The following LRRN1 variants were observed in gnomAD, a reference collection of about 807,000 sequenced individuals.
The protein encoded by LRRN1 is leucine-rich repeat neuronal protein 1.
LRRN1 carries 14 observed loss-of-function variants against 45.8 expected under a neutral mutation model. That is an observed-to-expected ratio of 0.31 (90% CI 0.20 to 0.48). The LOEUF (loss-of-function observed/expected upper bound fraction) is 0.48. Among genes scored for constraint, LRRN1 ranks in the 20% least tolerant of loss-of-function variants. The pLI, the probability that LRRN1 is intolerant of heterozygous loss-of-function variation, is 0.99. For missense variants in LRRN1, 789 were observed against 874.2 expected (o/e 0.90, Z 1.23); for synonymous variants, 359 against 330.1 (o/e 1.09, Z -0.95).
rs1692603584 is a variant in LRRN1 at position 3,799,811 on chromosome 3, C to CCTCCTCCTCCTCCTCGTCTTT, written c.-375_-355dup. The CCTCCTCCTCCTCCTCGTCTTT allele has an allele frequency of 1.2e-5, 2 of 160,134 alleles. No individual in the cohort carries two copies. The highest frequency in any genetic ancestry group is 4.8e-5 in the African/African-American group (2 of 41,438). The allele number at this position is 160,134 out of a possible 1,614,324, so 9.9% of individuals were successfully genotyped here. Reference sequence around the variant, plus strand: ...GGGAAGGAGGCGCCGCTCAGCTAGTCCTCCTCCTCCTCCTCGTCTTTCTCC... The same window carrying CCTCCTCCTCCTCCTCGTCTTT: ...GGGAAGGAGGCGCCGCTCAGCTAGTCCTCCTCCTCCTCCTCGTCTTTCTCCTCCTCCTCCTCGTCTTTCTCC... On this transcript the variant is annotated 5_prime_UTR_variant, in exon 1 of 2. Coordinates refer to ENST00000319331, the MANE Select transcript of LRRN1 (RefSeq NM_020873.7).
chr3:3,809,303 C>A (rs972885628), intron 1 of LRRN1, among the ~76,000 whole-genome samples: 2 of 152,034 alleles, frequency 1.3e-5, no homozygotes, highest in Admixed American at 1.3e-4. Flanking sequence ...GCCACCATGC[C>A]CAGCTAATTT....
chr3:3,844,939 C>G lies in LRRN1; in HGVS notation c.298C>G (p.Leu100Val), dbSNP rs1693729523. The G allele has an allele frequency of 6.2e-7, 1 of 1,614,018 alleles. No individual in the cohort carries two copies. Among genetic ancestry groups the G allele is most frequent in the African/African-American group, 1.3e-5 (1 of 74,920 alleles). The change falls in exon 2 of 2, where the codon CTA becomes GTA. Residue 100 changes from leucine (L) to valine (V), a missense_variant. Leu to Val is a conservative substitution (Grantham distance 32). Transcript: ENST00000319331. ...ELQQLFNLTE[L>V]DFSQNNFTNI... ...GCAGCAGCTTTTCAACTTGACTGAACTAGATTTCTCCCAAAACAACTTTAC... is the reference window on the plus strand; with the variant it reads ...GCAGCAGCTTTTCAACTTGACTGAAGTAGATTTCTCCCAAAACAACTTTAC...
chr3:3,844,867 G>T lies in LRRN1; in HGVS notation c.226G>T (p.Val76Leu). 6.2e-7 allele frequency: 1 copy of T among 1,614,156 alleles called. No homozygotes were observed. Among genetic ancestry groups the T allele is most frequent in the Non-Finnish European group, 8.5e-7 (1 of 1,180,016 alleles). The change falls in exon 2 of 2, where the codon GTG becomes TTG. Residue 76 changes from valine to leucine, a missense_variant. By Grantham distance (32) the Val-to-Leu change is conservative. Coordinates refer to ENST00000319331, the MANE Select transcript of LRRN1 (RefSeq NM_020873.7). ...CAGTAACCTCTCTAGTGACACACAAGTGCTTCTCTTACAGAGCAATAACAT... is the reference window on the plus strand; with the variant it reads ...CAGTAACCTCTCTAGTGACACACAATTGCTTCTCTTACAGAGCAATAACAT... The part of the protein sequence containing the change: ...IPSNLSSDTQ[V>L]LLLQSNNIAK...
At chr3:3,828,816 G>C (rs1363404918) in intron 1 of LRRN1, among the ~76,000 whole-genome samples, 2 of 152,108 alleles carry the variant, frequency 1.3e-5, no homozygotes, top group Admixed American at 1.3e-4. Flanking sequence ...AGGCACAAAC[G>C]TGTTTTTAAC....
intron 1 of LRRN1, among the ~76,000 whole-genome samples, chr3:3,803,093 G>A (rs1364884871): frequency 6.6e-6 from 1 of 152,240 alleles, no homozygotes; most frequent in Admixed American, 6.5e-5. Context: ...TCTGGTTAAT[G>A]TCTGAAATTC....
At chr3:3,801,340 G>A (rs547423576) in intron 1 of LRRN1, 7 of 152,330 alleles carry the variant, frequency 4.6e-5, no homozygotes, top group African/African-American at 1.7e-4. Context: ...GCTTTTGCGT[G>A]GAGGATTTTC....
At position 3,844,983 on chromosome 3, in the gene LRRN1, G is replaced by T. The variant is rs35587609; in HGVS notation, c.342G>T (p.Gly114=). 1,943 of 1,614,082 alleles carry T rather than the reference G, an allele frequency of 1.2e-3. 2 individuals are homozygous for T. The highest frequency in any genetic ancestry group is 1.5e-3 in the Non-Finnish European group (1,787 of 1,180,008). The stretch of plus-strand genomic sequence containing the variant: ...ACTTTACTAACATTAAGGAGGTCGG[G>T]CTGGCAAACCTAACCCAGCTCACAA... The part of the protein sequence containing the change: ...QNNFTNIKEV[G]LANLTQLTTL... Residue 114 remains glycine, a synonymous_variant, in exon 2 of 2, where the codon GGG becomes GGT. Transcript: ENST00000319331.
rs764681436 is a variant in LRRN1 at position 3,845,265 on chromosome 3, T to A, written c.624T>A (p.Asp208Glu). 56 of 1,614,068 alleles carry A rather than the reference T, an allele frequency of 3.5e-5. No homozygotes were observed. Among genetic ancestry groups the A allele is most frequent in the Non-Finnish European group, 4.6e-5 (54 of 1,180,048 alleles). The change falls in exon 2 of 2, where the codon GAT (aspartate) becomes GAA (glutamate). Residue 208 changes from aspartate to glutamate, a missense_variant. Coordinates refer to ENST00000319331, the MANE Select transcript of LRRN1 (RefSeq NM_020873.7). This position sits in a 1 kb window ranked among gnomAD's most constrained non-coding sequence, Gnocchi z 6.5. ...IGENPVIGILDMNFKPLANLR... is the reference protein window; with the variant it reads ...IGENPVIGILEMNFKPLANLR... Reference sequence around the variant, plus strand: ...AAAACCCTGTGATTGGAATTCTGGATATGAACTTCAAACCCCTCGCAAATT... The same window carrying A: ...AAAACCCTGTGATTGGAATTCTGGAAATGAACTTCAAACCCCTCGCAAATT...
chr3:3,830,941 C>G (rs2106463853), intron 1 of LRRN1, among the ~76,000 whole-genome samples: 1 of 152,280 alleles, frequency 6.6e-6, no homozygotes, highest in East Asian at 1.9e-4. Context: ...CAGGGCCTTG[C>G]TCCAAAATCC....
chr3:3,811,908 C>A (rs1240633843), intron 1 of LRRN1, among the ~76,000 whole-genome samples: 1 of 152,118 alleles, frequency 6.6e-6, no homozygotes, highest in Non-Finnish European at 1.5e-5. Flanking sequence ...GGGCTCAGAC[C>A]AGACGGGTTT....
chr3:3,804,304 C>T (rs1692713106), intron 1 of LRRN1: 1 of 152,116 alleles, frequency 6.6e-6, no homozygotes, highest in Admixed American at 6.6e-5. Flanking sequence ...GGACTAACTG[C>T]CATAATCAGT....
chr3:3,802,687 G>C (rs1221493542), intron 1 of LRRN1, among the ~76,000 whole-genome samples: 1 of 152,184 alleles, frequency 6.6e-6, no homozygotes, highest in African/African-American at 2.4e-5. Context: ...TTGTGTCTTA[G>C]AGCTATATAG....
At chr3:3,840,377 T>A (rs1693623022) in intron 1 of LRRN1, among the ~76,000 whole-genome samples, 2 of 152,206 alleles carry the variant, frequency 1.3e-5, no homozygotes, top group Admixed American at 1.3e-4. Flanking sequence ...TGCATCAGTA[T>A]GCATTAGGGA....
intron 1 of LRRN1, among the ~76,000 whole-genome samples, chr3:3,842,219 T>C (rs1693666921): frequency 6.6e-6 from 1 of 152,076 alleles, no homozygotes; most frequent in Non-Finnish European, 1.5e-5. Flanking sequence ...GGCCAAACTT[T>C]CTTTATGGTG....
At chr3:3,834,430 C>T (rs908728101) in intron 1 of LRRN1, among the ~76,000 whole-genome samples, 1 of 146,704 alleles carries the variant, frequency 6.8e-6, no homozygotes, top group Admixed American at 6.9e-5. Context: ...AACCCCAAAA[C>T]CAATGAAAGA....
Position 3,846,288 on chromosome 3 carries a change from C to T in LRRN1, c.1647C>T (p.Val549=), listed in dbSNP as rs114810202. Residue 549 remains valine, a synonymous_variant, in exon 2 of 2, where the codon GTC becomes GTT. Coordinates refer to ENST00000319331, the MANE Select transcript of LRRN1 (RefSeq NM_020873.7). This position sits in a 1 kb window ranked among gnomAD's most constrained non-coding sequence, Gnocchi z 5.7. ...TGTCCTGGAAAGTTAATTCCAATGTCATGACGTCAAACTTAAAATGGTCGT... is the reference window on the plus strand; with the variant it reads ...TGTCCTGGAAAGTTAATTCCAATGTTATGACGTCAAACTTAAAATGGTCGT... ...ILVSWKVNSN[V]MTSNLKWSSA... is the part of the protein sequence containing the mutation. 0.013 allele frequency: 21,612 copies of T among 1,614,014 alleles called. 197 individuals carry two copies. The highest frequency in any genetic ancestry group is 0.016 in the Non-Finnish European group (19,394 of 1,179,990).
chr3:3,845,642 G>A lies in LRRN1; in HGVS notation c.1001G>A (p.Arg334Gln), dbSNP rs755846334. ...TCTTACATCCACCGCTTGGCTTTCC[G>A]AAGTGTCCCTGCTCTGGAAAGCTTG... Reference protein sequence around the residue: ...KLSYIHRLAFRSVPALESLML... With the variant: ...KLSYIHRLAFQSVPALESLML... Residue 334 changes from arginine to glutamine, a missense_variant, in exon 2 of 2, where the codon CGA becomes CAA. Coordinates refer to ENST00000319331, the MANE Select transcript of LRRN1 (RefSeq NM_020873.7). The surrounding 1 kb of genome is among the most constrained non-coding windows in gnomAD (Gnocchi z 6.5). The A allele has an allele frequency of 8.7e-6, 14 of 1,613,928 alleles. No individual in the cohort carries two copies. Among genetic ancestry groups the A allele is most frequent in the East Asian group, 6.7e-5 (3 of 44,852 alleles).
chr3:3,846,844 T>A lies in LRRN1; in HGVS notation c.*52T>A. ...TAAGGAGCACAAAGACGTTTTTGCTTTATTCTGCAAAAGTGAACAAGTTGA... is the reference window on the plus strand; with the variant it reads ...TAAGGAGCACAAAGACGTTTTTGCTATATTCTGCAAAAGTGAACAAGTTGA... On this transcript the variant is annotated 3_prime_UTR_variant, in exon 2 of 2. Transcript: ENST00000319331. This position sits in a 1 kb window ranked among gnomAD's most constrained non-coding sequence, Gnocchi z 5.7. 1 of 1,419,442 alleles carries A rather than the reference T, an allele frequency of 7.0e-7. No individual in the cohort carries two copies. Among genetic ancestry groups the A allele is most frequent in the Non-Finnish European group, 9.6e-7 (1 of 1,045,788 alleles). The allele number at this position is 1,419,442 out of a possible 1,614,324, so 87.9% of individuals were successfully genotyped here. A position where few individuals can be genotyped will look rare whatever the true frequency, so the allele number is the denominator to read the frequency against.
At chr3:3,837,416 C>A (rs151033382) in intron 1 of LRRN1, among the ~76,000 whole-genome samples, 5 of 152,170 alleles carry the variant, frequency 3.3e-5, no homozygotes, top group African/African-American at 1.2e-4. Flanking sequence ...AAGCACCATT[C>A]CTTGGGTTCC....
Sources: gnomAD v4.1 joint callset for allele counts (sites outside exome capture counted in the v4.1 genomes callset) on GRCh38, gnomAD v4.1.1 for gene constraint, Gnocchi (gnomAD v3.1) non-coding constraint, MANE v1.5 for transcripts, NCBI Gene and HGNC (gene_info 2026-07-23, HGNC 2026-07-21) for gene names.